GPC6: variants seen among roughly 807,000 people sequenced by gnomAD.
GPC6 encodes glypican 6.
In GPC6, 14 loss-of-function variants were observed where a neutral mutation model predicts 55.2. That is an observed-to-expected ratio of 0.25 (90% confidence interval 0.17 to 0.40). GPC6 has a LOEUF of 0.40. Among genes scored for constraint, GPC6 ranks in the 10% least tolerant of loss-of-function variants. The pLI, the probability that GPC6 is intolerant of heterozygous loss-of-function variation, is 1.00. For synonymous variants in GPC6, 278 were observed against 259.6 expected, an observed-to-expected ratio of 1.07 and a Z score of -0.68; for missense variants, 641 against 708.5, an observed-to-expected ratio of 0.90 and a Z score of 1.08.
intron 1 of GPC6, among the ~76,000 whole-genome samples, chr13:93,451,916 A>C (rs999335025): frequency 1.3e-5 from 2 of 152,188 alleles, no homozygotes; most frequent in Non-Finnish European, 2.9e-5. Flanking sequence ...TTCAGAAAAG[A>C]TGTAGTTAAT....
At chr13:93,664,615 T>TTTTG (rs59186070) in intron 2 of GPC6, among the ~76,000 whole-genome samples, 73,751 of 151,206 alleles carry the variant, frequency 0.49, 20,518 homozygotes, top group Middle Eastern at 0.76. Flanking sequence ...CACAAGCCAA[T>TTTTG]TTTGTTTGTT....
intron 1 of GPC6, among the ~76,000 whole-genome samples, chr13:93,489,870 G>C (rs1879891702): frequency 6.6e-6 from 1 of 151,594 alleles, no homozygotes; most frequent in Admixed American, 6.5e-5. Context: ...ATTTTGGGCT[G>C]AGATGATGGG....
intron 2 of GPC6, among the ~76,000 whole-genome samples, chr13:93,741,432 T>G (rs9561434): frequency 0.4 from 61,085 of 151,836 alleles, 12,790 homozygotes; most frequent in East Asian, 0.57. Flanking sequence ...TTCTTAATCT[T>G]GTCTTCTACA....
intron 4 of GPC6, among the ~76,000 whole-genome samples, chr13:94,275,046 T>C (rs1293542839): frequency 6.6e-6 from 1 of 152,148 alleles, no homozygotes; most frequent in Non-Finnish European, 1.5e-5. Context: ...AGCAAGTTAG[T>C]TTTTATAAAC....
At chr13:93,612,228 G>A (rs773841411) in intron 2 of GPC6, among the ~76,000 whole-genome samples, 5 of 152,078 alleles carry the variant, frequency 3.3e-5, no homozygotes, top group Admixed American at 6.6e-5. Flanking sequence ...GGCTGGGCGC[G>A]GTGGCTCACG....
chr13:93,745,208 A>AT (rs1306784565), intron 2 of GPC6, among the ~76,000 whole-genome samples: 3 of 151,808 alleles, frequency 2.0e-5, no homozygotes, highest in East Asian at 1.9e-4. Flanking sequence ...TTTGTTTGTA[A>AT]TTTTTTCCTT....
intron 1 of GPC6, among the ~76,000 whole-genome samples, chr13:93,509,513 A>G (rs1880865684): frequency 6.6e-6 from 1 of 152,234 alleles, no homozygotes; most frequent in Non-Finnish European, 1.5e-5. Flanking sequence ...TTAGAACAAT[A>G]TAATGAGTAA....
At chr13:94,348,301 A>G (rs1878383022) in intron 6 of GPC6, among the ~76,000 whole-genome samples, 1 of 152,220 alleles carries the variant, frequency 6.6e-6, no homozygotes, top group Non-Finnish European at 1.5e-5. Context: ...TCCCCTGCAT[A>G]ACATACTTTG....
chr13:93,409,154 G>C (rs901395153), intron 1 of GPC6, among the ~76,000 whole-genome samples: 4 of 151,246 alleles, frequency 2.6e-5, no homozygotes, highest in East Asian at 1.9e-4. Context: ...GTTTTCTTAT[G>C]ATGAGTCAGT....
At chr13:93,433,578 G>A (rs1357910744) in intron 1 of GPC6, among the ~76,000 whole-genome samples, 2 of 152,140 alleles carry the variant, frequency 1.3e-5, no homozygotes, top group Non-Finnish European at 2.9e-5. Context: ...GCTGATGATT[G>A]AGAAATGTGG....
At chr13:94,058,699 A>G (rs2138764390) in intron 4 of GPC6, among the ~76,000 whole-genome samples, 1 of 152,294 alleles carries the variant, frequency 6.6e-6, no homozygotes, top group Middle Eastern at 3.4e-3. Flanking sequence ...CACTCCAGGC[A>G]TAGAGAGCAG....
At chr13:94,332,426 A>C (rs1877473214) in intron 6 of GPC6, among the ~76,000 whole-genome samples, 1 of 152,232 alleles carries the variant, frequency 6.6e-6, no homozygotes, top group African/African-American at 2.4e-5. Flanking sequence ...CTTGGGTCTG[A>C]CGGATTGCTC....
chr13:94,256,620 G>A (rs1037724943), intron 4 of GPC6, among the ~76,000 whole-genome samples: 1 of 152,116 alleles, frequency 6.6e-6, no homozygotes, highest in Admixed American at 6.5e-5. Flanking sequence ...CTTTCCTAGT[G>A]ACATAAACTC....
intron 4 of GPC6, among the ~76,000 whole-genome samples, chr13:94,256,023 A>G (rs965849878): frequency 1.3e-5 from 2 of 152,152 alleles, no homozygotes; most frequent in Admixed American, 6.5e-5. Flanking sequence ...TGATATATGC[A>G]TATAAAAGGT....
At chr13:93,739,685 TC>T (rs1168397716) in intron 2 of GPC6, among the ~76,000 whole-genome samples, 1 of 152,078 alleles carries the variant, frequency 6.6e-6, no homozygotes, top group Non-Finnish European at 1.5e-5. Context: ...CGCCTCCACG[TC>T]CCAAAGTGCT....
chr13:93,629,042 AAAAAAAC>A (rs1446142589), intron 2 of GPC6, among the ~76,000 whole-genome samples: 1 of 117,744 alleles, frequency 8.5e-6, no homozygotes, highest in Non-Finnish European at 2.1e-5. Flanking sequence ...GCCAGAAAAA[AAAAAAAC>A]AAAAAAAACT....
intron 6 of GPC6, among the ~76,000 whole-genome samples, chr13:94,372,544 A>G (rs1341489556): frequency 6.6e-6 from 1 of 152,140 alleles, no homozygotes; most frequent in Non-Finnish European, 1.5e-5. Flanking sequence ...TATATCCCGC[A>G]CCTGGCTCGG....
intron 3 of GPC6, among the ~76,000 whole-genome samples, chr13:93,969,654 A>G (rs1880197216): frequency 6.6e-6 from 1 of 152,028 alleles, no homozygotes; most frequent in South Asian, 2.1e-4. Context: ...TACTATCTTT[A>G]CCATTTTTAG....
chr13:93,798,597 A>G (rs9516291), intron 2 of GPC6, among the ~76,000 whole-genome samples: 35,781 of 152,020 alleles, frequency 0.24, 4,762 homozygotes, highest in East Asian at 0.35. Flanking sequence ...GCTATCAGTA[A>G]GAAGGTCATT....
Sources: gnomAD v4.1 joint callset for allele counts (sites outside exome capture counted in the v4.1 genomes callset) on GRCh38, gnomAD v4.1.1 for gene constraint, MANE v1.5 for transcripts, NCBI Gene and HGNC (gene_info 2026-07-23, HGNC 2026-07-21) for gene names.